The following ZZEF1 variants were observed in gnomAD, a reference collection of about 807,000 sequenced individuals.
ZZEF1 encodes zinc finger ZZ-type and EF-hand domain-containing protein 1.
A neutral mutation model predicts 342.8 loss-of-function variants in ZZEF1; 157 were observed. The ratio of observed to expected loss-of-function variants is 0.46; its 90% CI spans 0.40 to 0.52. The LOEUF (loss-of-function observed/expected upper bound fraction) is 0.52, where lower values mean the gene tolerates loss of function less well. Among genes scored for constraint, ZZEF1 ranks in the 20% least tolerant of loss-of-function variants. ZZEF1 has a pLI of 0.00. For synonymous variants in ZZEF1, 1,505 were observed against 1,429.1 expected (o/e 1.05, Z -1.20); for missense variants, 3,480 against 3,725.6 (o/e 0.93, Z 1.72).
intron 26 of ZZEF1, among the ~76,000 whole-genome samples, chr17:4,069,322 C>T (rs2057464219): frequency 6.6e-6 from 1 of 152,108 alleles, no homozygotes; most frequent in Admixed American, 6.6e-5. Context: ...TACATCACCC[C>T]CTCGATTCCT....
At chr17:4,018,660 C>T (rs1023018654) in intron 46 of ZZEF1, among the ~76,000 whole-genome samples, 1 of 152,214 alleles carries the variant, frequency 6.6e-6, no homozygotes, top group East Asian at 1.9e-4. Flanking sequence ...CGACTCTGGC[C>T]GAAACTCGGT....
At chr17:4,107,321 G>A (rs938838173) in intron 6 of ZZEF1, among the ~76,000 whole-genome samples, 1 of 152,134 alleles carries the variant, frequency 6.6e-6, no homozygotes, top group Admixed American at 6.6e-5. Flanking sequence ...AAAAAATATA[G>A]AAACCTCTTC....
rs778478413 is a variant in ZZEF1 at position 4,086,638 on chromosome 17, A to G, written c.2360T>C (p.Val787Ala). The G allele has an allele frequency of 6.2e-7, 1 of 1,613,884 alleles. No homozygotes were observed. Among genetic ancestry groups the G allele is most frequent in the Admixed American group, 1.7e-5 (1 of 60,002 alleles). ...CTGCAGAAGCAGGGTTTGGGCAGAG[A>G]CGCATTCTTCCCTCGGGCTACAGAA... Reference protein sequence around the residue: ...KLKQNPREECVSAQTLLLQLL... With the variant: ...KLKQNPREECASAQTLLLQLL... The change falls in exon 15 of 55, where the codon GTC becomes GCC. Residue 787 changes from valine to alanine, a missense_variant. Physicochemically the swap from Val to Ala is moderately conservative, Grantham distance 64 (BLOSUM62 0). Coordinates refer to ENST00000381638, the MANE Select transcript of ZZEF1 (RefSeq NM_015113.4).
intron 45 of ZZEF1, 42 bp from the exon 46 acceptor site, chr17:4,019,811 G>A (rs370990685): frequency 9.3e-5 from 136 of 1,461,412 alleles, no homozygotes; most frequent in Middle Eastern, 3.5e-4. Context: ...CATTAACAGT[G>A]CTTCAATACG....
chr17:4,087,655 A>C, intron 13 of ZZEF1, 121 bp from the exon 14 acceptor site: 1 of 811,450 alleles, frequency 1.2e-6, no homozygotes, highest in South Asian at 1.9e-5. Flanking sequence ...TGAGACTTTC[A>C]TATTACTGAT....
At position 4,017,728 on chromosome 17, in the gene ZZEF1, G is replaced by A; in HGVS notation, c.7644C>T (p.Ser2548=). Residue 2548 remains serine (S), a splice_region_variant and synonymous_variant, in exon 48 of 55, where the codon TCC becomes TCT. Coordinates refer to ENST00000381638, the MANE Select transcript of ZZEF1 (RefSeq NM_015113.4). The surrounding 1 kb of genome is among the most constrained non-coding windows in gnomAD (Gnocchi z 5.1). ...TGGCTTGGTCACAGCGTGCAGGCCG[G>A]GACTGCAAACCCAAGACCACCATTA... ...DTDMIILPCL[S]RPARCDQATA... is the part of the protein sequence containing the mutation. 1 of 1,611,508 alleles carries A rather than the reference G, an allele frequency of 6.2e-7. No homozygotes were observed. The highest frequency in any genetic ancestry group is 8.5e-7 in the Non-Finnish European group (1 of 1,178,806).
intron 31 of ZZEF1, among the ~76,000 whole-genome samples, chr17:4,058,589 T>C (rs1271991023): frequency 1.3e-5 from 2 of 152,218 alleles, no homozygotes; most frequent in African/African-American, 4.8e-5. Flanking sequence ...ATACATAATA[T>C]ACTGGCTGGG....
chr17:4,117,889 C>T (rs1170745018), intron 2 of ZZEF1, among the ~76,000 whole-genome samples: 1 of 152,100 alleles, frequency 6.6e-6, no homozygotes, highest in East Asian at 1.9e-4. Context: ...AATGACAATA[C>T]AACCACTGCC....
In ZZEF1 at chr17:4,142,738, G is replaced by A. The variant is rs1425840995; in HGVS notation, c.158C>T (p.Pro53Leu). 1.2e-5 allele frequency: 18 copies of A among 1,519,400 alleles called. No homozygotes were observed. Among genetic ancestry groups the A allele is most frequent in the African/African-American group, 5.8e-5 (4 of 69,548 alleles). The allele number at this position is 1,519,400 out of a possible 1,614,324, so 94.1% of individuals were successfully genotyped here. A position where few individuals can be genotyped will look rare whatever the true frequency, so the allele number is the denominator to read the frequency against. ...ALPPAAALLE[P>L]ARLREAAAAL... ...TGCAGCAGCCTCTCGCAGCCTGGCC[G>A]GCTCCAGCAGCGCCGCGGCGGGTGG... Residue 53 changes from proline (P) to leucine (L), a missense_variant, in exon 1 of 55, where the codon CCG becomes CTG. By Grantham distance (98) the Pro-to-Leu change is moderately conservative. This residue lies in a region of ZZEF1 where 416 missense variants were observed against 374.2 expected (regional missense o/e 1.11). Transcript: ENST00000381638.
rs900122869 is a variant in ZZEF1, at chr17:4,135,937, G to A, written c.354+6605C>T. Among the ~76,000 whole-genome samples the A allele has an allele frequency of 2.0e-5, 3 of 150,774 alleles. No individual in the cohort carries two copies. The South Asian group carries it at 6.3e-4, about 32-fold the overall frequency. On this transcript the variant is annotated intron_variant, in intron 1 of 54. Coordinates refer to ENST00000381638, the MANE Select transcript of ZZEF1 (RefSeq NM_015113.4). Reference sequence around the variant, plus strand: ...TAGCATACACATAATTGGTATCAAAGTTCCAAGAAACAATGCAATACTTTT... The same window carrying A: ...TAGCATACACATAATTGGTATCAAAATTCCAAGAAACAATGCAATACTTTT...
intron 16 of ZZEF1, among the ~76,000 whole-genome samples, chr17:4,083,412 T>A (rs2057760635): frequency 1.3e-5 from 2 of 152,298 alleles, no homozygotes; most frequent in South Asian, 4.1e-4. Flanking sequence ...GTTATGTAAC[T>A]CACAATGTGA....
intron 26 of ZZEF1, among the ~76,000 whole-genome samples, chr17:4,069,482 C>T (rs1052528477): frequency 6.6e-6 from 1 of 152,014 alleles, no homozygotes; most frequent in Non-Finnish European, 1.5e-5. Context: ...ATAAATTCTG[C>T]AATGTGAGAT....
intron 1 of ZZEF1, among the ~76,000 whole-genome samples, chr17:4,136,261 T>G (rs1597951115): frequency 6.7e-6 from 1 of 149,928 alleles, no homozygotes; most frequent in African/African-American, 2.5e-5. Flanking sequence ...GGAGAATCGC[T>G]TAAAACTGGG....
chr17:4,034,002 G>C lies in ZZEF1; in HGVS notation c.6584+13C>G. The C allele has an allele frequency of 4.3e-6, 7 of 1,611,862 alleles. No homozygotes were observed. The highest frequency in any genetic ancestry group is 5.9e-6 in the Non-Finnish European group (7 of 1,178,494). On this transcript the variant is annotated intron_variant, in intron 40 of 54. Coordinates refer to ENST00000381638, the MANE Select transcript of ZZEF1 (RefSeq NM_015113.4). The stretch of plus-strand genomic sequence containing the variant: ...AGAGGGCAGGTGGTTAGAGGAGCGA[G>C]GACCAAGGCTACCTGTCCAGACACA...
Position 4,014,024 on chromosome 17 carries a change from G to T in ZZEF1, c.8413+66C>A. The T allele has an allele frequency of 6.9e-7, 1 of 1,448,926 alleles. No homozygotes were observed. Among genetic ancestry groups the T allele is most frequent in the Non-Finnish European group, 9.7e-7 (1 of 1,035,500 alleles). 89.8% of individuals were successfully genotyped at this position (1,448,926 alleles called of 1,614,324 possible). Reference sequence around the variant, plus strand: ...TTTTAACCAAGATCAGTGACATCATGGCACCCACAGCCATGGAGTGTCCCT... The same window carrying T: ...TTTTAACCAAGATCAGTGACATCATTGCACCCACAGCCATGGAGTGTCCCT... On this transcript the variant is annotated intron_variant, in intron 51 of 54. Transcript: ENST00000381638. The surrounding 1 kb of genome is among the most constrained non-coding windows in gnomAD (Gnocchi z 4.4).
chr17:4,090,921 G>T (rs142125196), intron 11 of ZZEF1, 91 bp from the exon 12 acceptor site: 10 of 943,864 alleles, frequency 1.1e-5, no homozygotes, highest in African/African-American at 9.7e-5. Flanking sequence ...CATGTAACTT[G>T]TATCTGTAGC....
chr17:4,038,026 G>GA (rs1460687763), intron 39 of ZZEF1, among the ~76,000 whole-genome samples: 12 of 152,236 alleles, frequency 7.9e-5, no homozygotes, highest in Non-Finnish European at 1.2e-4. Context: ...TTACACAGGA[G>GA]AATCTCCTTG....
intron 43 of ZZEF1, among the ~76,000 whole-genome samples, chr17:4,023,656 C>CAAAA (rs71144154): frequency 0.012 from 886 of 71,278 alleles, 94 homozygotes; most frequent in African/African-American, 0.04. Context: ...CCTGTCTCTC[C>CAAAA]AAAAAAAAAA....
rs549315804 is a variant in ZZEF1 at position 4,008,035 on chromosome 17, C to A, written c.8805+848G>T. 6.6e-6 allele frequency among the ~76,000 whole-genome samples: 1 copy of A among 152,156 alleles called. No homozygotes were observed. The highest frequency in any genetic ancestry group is 2.4e-5 in the African/African-American group (1 of 41,522). ...TCTCAAAATGTACTCTGGGGCCAGG[C>A]GACTCCCGAGACCCTTTTGGGGTCT... On this transcript the variant is annotated intron_variant, in intron 54 of 54. Transcript: ENST00000381638. This position sits in a 1 kb window ranked among gnomAD's most constrained non-coding sequence, Gnocchi z 4.2.
Sources: gnomAD v4.1 joint callset for allele counts (sites outside exome capture counted in the v4.1 genomes callset) on GRCh38, gnomAD v4.1.1 for gene constraint, gnomAD v4.1.1 regional missense constraint, Gnocchi (gnomAD v3.1) non-coding constraint, MANE v1.5 for transcripts, NCBI Gene and HGNC (gene_info 2026-07-23, HGNC 2026-07-21) for gene names.